EYS: variants seen among roughly 807,000 people sequenced by gnomAD.
The protein encoded by EYS is EGF-like photoreceptor maintenance factor, also known as protein eyes shut homolog.
Under a neutral mutation model 282.1 loss-of-function variants are expected in EYS, and 250 were observed. That is an observed-to-expected ratio of 0.89 (90% CI 0.80 to 0.98). EYS has a LOEUF of 0.98. Among genes scored for constraint, EYS ranks in the 50% least tolerant of loss-of-function variants. EYS has a pLI of 0.00. For synonymous variants in EYS, 1,355 were observed against 1,282.9 expected (o/e 1.06, Z -1.20); for missense variants, 4,016 against 3,709.0 (o/e 1.08, Z -2.15).
At chr6:65,038,218 T>G (rs1325737583) in intron 13 of EYS, among the ~76,000 whole-genome samples, 1 of 151,676 alleles carries the variant, frequency 6.6e-6, no homozygotes, top group African/African-American at 2.4e-5. Context: ...AAAACTCACA[T>G]TTTTTAAAGA....
chr6:65,043,046 A>T (rs1772986653), intron 13 of EYS, among the ~76,000 whole-genome samples: 1 of 151,574 alleles, frequency 6.6e-6, no homozygotes, highest in South Asian at 2.1e-4. Flanking sequence ...GAAAATCTAG[A>T]TATCTTTTGA....
intron 1 of EYS, among the ~76,000 whole-genome samples, chr6:65,704,093 G>T (rs1162240184): frequency 6.6e-6 from 1 of 152,126 alleles, no homozygotes; most frequent in African/African-American, 2.4e-5. Context: ...AAACTCCACT[G>T]GAACAAGCCC....
intron 31 of EYS, among the ~76,000 whole-genome samples, chr6:64,203,029 C>T (rs1448280683): frequency 6.6e-6 from 1 of 152,204 alleles, no homozygotes; most frequent in Non-Finnish European, 1.5e-5. Flanking sequence ...GATACTAATA[C>T]AGAGTCAAAG....
At chr6:65,186,314 C>T (rs841527) in intron 12 of EYS, among the ~76,000 whole-genome samples, 4,663 of 151,724 alleles carry the variant, frequency 0.031, 216 homozygotes, top group African/African-American at 0.11. Context: ...ACGTTTCATA[C>T]GAAAAATCAC....
chr6:64,379,890 A>C (rs1253689093), intron 29 of EYS, among the ~76,000 whole-genome samples: 2 of 152,140 alleles, frequency 1.3e-5, no homozygotes, highest in African/African-American at 4.8e-5. Context: ...GTCCAACTTC[A>C]TCATTTATGG....
chr6:65,487,410 T>A (rs1420600678), intron 5 of EYS, among the ~76,000 whole-genome samples: 1 of 152,220 alleles, frequency 6.6e-6, no homozygotes, highest in Non-Finnish European at 1.5e-5. Context: ...TCGAAGGCCT[T>A]TTCTGCATCT....
At chr6:64,679,742 T>C (rs150637241) in intron 22 of EYS, among the ~76,000 whole-genome samples, 1,927 of 152,342 alleles carry the variant, frequency 0.013, 37 homozygotes, top group African/African-American at 0.044. Flanking sequence ...AAATATATTT[T>C]AATACCATTT....
At chr6:63,826,560 C>G (rs978016700) in intron 36 of EYS, among the ~76,000 whole-genome samples, 1 of 152,196 alleles carries the variant, frequency 6.6e-6, no homozygotes, top group Non-Finnish European at 1.5e-5. Context: ...AGAAAATCTA[C>G]AAGCTAGAAG....
intron 4 of EYS, 31 bp downstream of exon 4, chr6:65,494,632 T>C (rs1449390728): frequency 2.9e-5 from 44 of 1,505,308 alleles, no homozygotes; most frequent in Non-Finnish European, 3.9e-5. Context: ...TTCTCTATTT[T>C]AATAAAATTA....
At chr6:64,897,271 T>C (rs933545024) in intron 18 of EYS, among the ~76,000 whole-genome samples, 1 of 152,056 alleles carries the variant, frequency 6.6e-6, no homozygotes, top group East Asian at 1.9e-4. Context: ...GCAACAATAT[T>C]TGCCTTTCTG....
chr6:65,364,883 C>T (rs1028627519), intron 8 of EYS, among the ~76,000 whole-genome samples: 5 of 151,758 alleles, frequency 3.3e-5, no homozygotes, highest in Non-Finnish European at 4.4e-5. Context: ...TATTCAAATG[C>T]GAAAAGTAAC....
rs535731220 is a variant in EYS at position 65,073,812 on chromosome 6, T to C, written c.2024-16085A>G. On this transcript the variant is annotated intron_variant, in intron 12 of 42. Coordinates refer to ENST00000503581, the MANE Select transcript of EYS (RefSeq NM_001142800.2). The stretch of plus-strand genomic sequence containing the variant: ...GAATTTGAATTTGGTAGCTCTGGAA[T>C]GAAGTAATGAATACATTGATCTGTG... Among the ~76,000 whole-genome samples, 178 of 152,100 alleles carry C rather than the reference T, an allele frequency of 1.2e-3. 1 individual carries two copies. The highest frequency in any genetic ancestry group is 4.1e-3 in the African/African-American group (171 of 41,542).
chr6:65,688,375 G>C (rs147777738), intron 1 of EYS, among the ~76,000 whole-genome samples: 2 of 152,206 alleles, frequency 1.3e-5, no homozygotes, highest in South Asian at 4.1e-4. Flanking sequence ...AAACTGGCTG[G>C]CCATATGTAG....
At position 64,001,416 on chromosome 6, in the gene EYS, C is replaced by A. The variant is rs117419184; in HGVS notation, c.6726-2233G>T. Among the ~76,000 whole-genome samples, 24 of 152,174 alleles carry A rather than the reference C, an allele frequency of 1.6e-4. No homozygotes were observed. In the East Asian group the frequency reaches 2.9e-3, roughly 18 times the overall value. On this transcript the variant is annotated intron_variant, in intron 33 of 42. Transcript: ENST00000503581. ...AATTCAAAATCAAATACTCAAGTTG[C>A]GTTATTTTAAAAACTGAAACTCAAT...
intron 36 of EYS, among the ~76,000 whole-genome samples, chr6:63,831,202 A>G (rs2149691345): frequency 6.6e-6 from 1 of 152,366 alleles, no homozygotes; most frequent in East Asian, 1.9e-4. Flanking sequence ...ACAGGATCAA[A>G]TTCACACATA....
chr6:65,527,514 T>C (rs1767613513), intron 2 of EYS, among the ~76,000 whole-genome samples: 1 of 152,192 alleles, frequency 6.6e-6, no homozygotes. Context: ...TTAAAAGTCA[T>C]CCAGTTTCTC....
intron 26 of EYS, among the ~76,000 whole-genome samples, chr6:64,458,007 T>C (rs1197979509): frequency 6.6e-6 from 1 of 152,044 alleles, no homozygotes; most frequent in Admixed American, 6.6e-5. Context: ...TTTGTAGTTA[T>C]AATAGATTAT....
At chr6:63,781,056 T>C (rs1394868271) in intron 39 of EYS, among the ~76,000 whole-genome samples, 1 of 152,232 alleles carries the variant, frequency 6.6e-6, no homozygotes, top group African/African-American at 2.4e-5. Flanking sequence ...ATCAGATGGT[T>C]GTAGATGTGT....
At chr6:65,142,658 T>TAA (rs757628235) in intron 12 of EYS, among the ~76,000 whole-genome samples, 1 of 144,742 alleles carries the variant, frequency 6.9e-6, no homozygotes, top group Middle Eastern at 3.5e-3. Flanking sequence ...ATTCCAAATT[T>TAA]AAAAAAAAAA....
Sources: allele counts gnomAD v4.1 joint callset (sites outside exome capture counted in the v4.1 genomes callset), GRCh38; gene constraint gnomAD v4.1.1; transcripts MANE v1.5; gene names NCBI Gene and HGNC (gene_info 2026-07-23, HGNC 2026-07-21).